GALNT13: variants seen among roughly 807,000 people sequenced by gnomAD.
GALNT13 encodes the protein UDP-GalNAc:polypeptide N-acetylgalactosaminyltransferase 13.
Under a neutral mutation model 64.2 loss-of-function variants are expected in GALNT13, and 28 were observed. The observed-to-expected ratio is 0.44, with a 90% CI of 0.32 to 0.60. The LOEUF (loss-of-function observed/expected upper bound fraction) is 0.60, where lower values mean the gene tolerates loss of function less well. Ranked by LOEUF, GALNT13 falls within the 20% of genes least tolerant of loss-of-function variation. GALNT13 has a pLI of 0.05. For missense variants in GALNT13, 577 were observed against 669.8 expected (o/e 0.86, Z 1.53); for synonymous variants, 214 against 224.6 (o/e 0.95, Z 0.42).
chr2:154,440,154 C>G (rs539475247), intron 12 of GALNT13, among the ~76,000 whole-genome samples: 1 of 152,132 alleles, frequency 6.6e-6, no homozygotes, highest in South Asian at 2.1e-4. Context: ...TGTTACTGTT[C>G]CGTTTCTACC....
the GALNT13 span, among the ~76,000 whole-genome samples, chr2:153,353,253 T>C: frequency 5.3e-5 from 8 of 152,264 alleles, no homozygotes; most frequent in East Asian, 1.3e-3. Flanking sequence ...ATTTCACTTG[T>C]TCATTACTGG....
At chr2:153,491,619 T>C in the GALNT13 span, among the ~76,000 whole-genome samples, 1 of 150,932 alleles carries the variant, frequency 6.6e-6, no homozygotes, top group South Asian at 2.1e-4. Flanking sequence ...TTTATTTATT[T>C]ATTTATTTAT....
the GALNT13 span, among the ~76,000 whole-genome samples, chr2:153,678,582 G>A: frequency 6.6e-6 from 1 of 151,880 alleles, no homozygotes; most frequent in Non-Finnish European, 1.5e-5. Context: ...GACTATGCTC[G>A]TTACCTGGGT....
chr2:154,233,944 A>G (rs1365066439), intron 4 of GALNT13, among the ~76,000 whole-genome samples: 1 of 152,150 alleles, frequency 6.6e-6, no homozygotes, highest in Admixed American at 6.6e-5. Context: ...AACAGAGATT[A>G]AAGTGAGTAA....
the GALNT13 span, among the ~76,000 whole-genome samples, chr2:153,446,045 T>C: frequency 6.6e-6 from 1 of 152,212 alleles, no homozygotes; most frequent in Non-Finnish European, 1.5e-5. Context: ...GCCATCTCTA[T>C]ATATAAAGTT....
the GALNT13 span, among the ~76,000 whole-genome samples, chr2:153,191,160 A>G: frequency 6.6e-6 from 1 of 152,138 alleles, no homozygotes; most frequent in Non-Finnish European, 1.5e-5. Flanking sequence ...CAGTTCTTAC[A>G]GGAAAGGCTT....
chr2:154,311,825 G>A (rs1694059173), intron 9 of GALNT13, among the ~76,000 whole-genome samples: 2 of 152,204 alleles, frequency 1.3e-5, no homozygotes, highest in South Asian at 2.1e-4. Flanking sequence ...GTTCCATGCT[G>A]AGAAAAGGAA....
chr2:154,176,305 C>T (rs1041774555), intron 4 of GALNT13, among the ~76,000 whole-genome samples: 5 of 148,128 alleles, frequency 3.4e-5, no homozygotes, highest in East Asian at 2.0e-4. Flanking sequence ...GATGGAGTCT[C>T]GCTGTGTCAC....
the GALNT13 span, among the ~76,000 whole-genome samples, chr2:153,294,353 A>C: frequency 6.6e-6 from 1 of 152,182 alleles, no homozygotes; most frequent in African/African-American, 2.4e-5. Context: ...CAAGATTTGC[A>C]TGAAAATTTC....
intron 9 of GALNT13, among the ~76,000 whole-genome samples, chr2:154,375,767 T>G (rs1338564474): frequency 6.6e-6 from 1 of 152,158 alleles, no homozygotes; most frequent in Admixed American, 6.5e-5. Flanking sequence ...ACTGTTTTTT[T>G]GCACGGAGGG....
intron 3 of GALNT13, among the ~76,000 whole-genome samples, chr2:154,128,133 G>C (rs1481367441): frequency 6.6e-6 from 1 of 152,034 alleles, no homozygotes; most frequent in Non-Finnish European, 1.5e-5. Context: ...CTGATGAGTT[G>C]TGAGAAAGAG....
the GALNT13 span, among the ~76,000 whole-genome samples, chr2:153,865,638 G>A: frequency 2.6e-5 from 3 of 113,406 alleles, no homozygotes; most frequent in Non-Finnish European, 3.7e-5. Flanking sequence ...TTAGAATGGC[G>A]ATCATTAAAA....
At chr2:154,160,198 G>T (rs187678419) in intron 4 of GALNT13, among the ~76,000 whole-genome samples, 1 of 152,154 alleles carries the variant, frequency 6.6e-6, no homozygotes, top group East Asian at 1.9e-4. Flanking sequence ...ATACTGGTTG[G>T]CCTTCATACT....
the GALNT13 span, among the ~76,000 whole-genome samples, chr2:153,429,034 C>T: frequency 2.0e-5 from 3 of 152,100 alleles, no homozygotes; most frequent in African/African-American, 4.8e-5. Flanking sequence ...TTTCTTACTC[C>T]ATTAAGTGTC....
At chr2:154,209,482 C>T (rs774686767) in intron 4 of GALNT13, among the ~76,000 whole-genome samples, 49 of 152,162 alleles carry the variant, frequency 3.2e-4, no homozygotes, top group Non-Finnish European at 5.4e-4. Context: ...GAATTGAATT[C>T]AGTTTTCACT....
intron 9 of GALNT13, among the ~76,000 whole-genome samples, chr2:154,344,999 A>G (rs1282212743): frequency 6.6e-6 from 1 of 151,992 alleles, no homozygotes; most frequent in East Asian, 1.9e-4. Context: ...CTGTTGCTAA[A>G]AAACAAACTC....
At chr2:153,088,329 C>T in the GALNT13 span, among the ~76,000 whole-genome samples, 1 of 151,968 alleles carries the variant, frequency 6.6e-6, no homozygotes, top group East Asian at 1.9e-4. Flanking sequence ...AGAGAGAGTA[C>T]TTGATATAAT....
At chr2:153,919,316 T>C (rs1689599438) in intron 2 of GALNT13, among the ~76,000 whole-genome samples, 1 of 151,956 alleles carries the variant, frequency 6.6e-6, no homozygotes, top group Admixed American at 6.6e-5. Flanking sequence ...GTCCCTATAC[T>C]CACCTGTCTT....
the GALNT13 span, among the ~76,000 whole-genome samples, chr2:153,087,096 A>G: frequency 2.6e-5 from 4 of 152,156 alleles, no homozygotes; most frequent in African/African-American, 7.2e-5. Flanking sequence ...CTCCCTATTC[A>G]GTATAATGTT....
Sources: gnomAD v4.1 joint callset for allele counts (sites outside exome capture counted in the v4.1 genomes callset) on GRCh38, gnomAD v4.1.1 for gene constraint, MANE v1.5 for transcripts, NCBI Gene and HGNC (gene_info 2026-07-23, HGNC 2026-07-21) for gene names.